The following CLCN3 variants were observed in gnomAD, a reference collection of about 807,000 sequenced individuals.
CLCN3 encodes the protein H(+)/Cl(-) exchange transporter 3.
In CLCN3, 16 loss-of-function variants were observed where a neutral mutation model predicts 83.4. The ratio of observed to expected loss-of-function variants is 0.19; its 90% confidence interval spans 0.13 to 0.29. CLCN3 has a LOEUF of 0.29. Ranked by LOEUF, CLCN3 falls within the 10% of genes least tolerant of loss-of-function variation. The pLI is 1.00. For missense variants in CLCN3, 544 were observed against 1,006.0 expected (o/e 0.54, Z 6.21); for synonymous variants, 322 against 346.2 (o/e 0.93, Z 0.78).
chr4:169,697,156 C>T lies in CLCN3; in HGVS notation c.1018-33C>T, dbSNP rs201205503. On this transcript the variant is annotated intron_variant, in intron 8 of 12. Transcript: ENST00000513761. ...TCAGAAACATCTTATAAAATTATAG[C>T]ATTAATTTTTCTTTTCCTTTTCTTT... The T allele has an allele frequency of 1.6e-5, 22 of 1,389,346 alleles. No individual in the cohort carries two copies. In the Admixed American group the frequency reaches 4.7e-4, roughly 29 times the overall value. The allele number at this position is 1,389,346 out of a possible 1,614,324, so 86.1% of individuals were successfully genotyped here.
At chr4:169,686,419 C>CT (rs34609299) in intron 3 of CLCN3, among the ~76,000 whole-genome samples, 16,962 of 141,538 alleles carry the variant, frequency 0.12, 1,085 homozygotes, top group East Asian at 0.17. Flanking sequence ...TGAAAATTGA[C>CT]TTTTTTTTTT....
chr4:169,692,855 T>C (rs1244779082), intron 7 of CLCN3, among the ~76,000 whole-genome samples: 1 of 152,224 alleles, frequency 6.6e-6, no homozygotes, highest in Non-Finnish European at 1.5e-5. Flanking sequence ...TTCATTTGAT[T>C]GTTTAAGGCA....
In CLCN3 at chr4:169,671,614, A is replaced by G. The variant is rs190988197; in HGVS notation, c.161-8436A>G. Among the ~76,000 whole-genome samples the G allele has an allele frequency of 1.3e-4, 20 of 152,310 alleles. No homozygotes were observed. In the East Asian group the frequency reaches 1.9e-3, roughly 15 times the overall value. On this transcript the variant is annotated intron_variant, in intron 2 of 12. Transcript: ENST00000513761. ...ATGTATCCCAGAACTTAAATTTAAAAAAAAAGAATTTTTCTCCTCTGTGGG... is the reference window on the plus strand; with the variant it reads ...ATGTATCCCAGAACTTAAATTTAAAGAAAAAGAATTTTTCTCCTCTGTGGG...
At chr4:169,645,130 G>C (rs543877517) in intron 2 of CLCN3, among the ~76,000 whole-genome samples, 1 of 152,122 alleles carries the variant, frequency 6.6e-6, no homozygotes, top group Non-Finnish European at 1.5e-5. Context: ...TAGTATTATC[G>C]AAAGTGTTGT....
chr4:169,652,833 T>G (rs1202143843), intron 2 of CLCN3, among the ~76,000 whole-genome samples: 1 of 152,236 alleles, frequency 6.6e-6, no homozygotes, highest in Non-Finnish European at 1.5e-5. Context: ...TGGTTTAAAT[T>G]TGCATTTTCT....
chr4:169,656,560 G>A (rs573199893), intron 2 of CLCN3, among the ~76,000 whole-genome samples: 36 of 152,312 alleles, frequency 2.4e-4, no homozygotes, highest in African/African-American at 8.7e-4. Flanking sequence ...TGAGGATACA[G>A]ATCCAAACCA....
chr4:169,644,784 C>T (rs1399040858), intron 2 of CLCN3, among the ~76,000 whole-genome samples: 9 of 152,204 alleles, frequency 5.9e-5, no homozygotes, highest in African/African-American at 2.2e-4. Flanking sequence ...GAGTGATTAT[C>T]CTGGATTATC....
At chr4:169,706,749 C>T (rs1380242736) in intron 10 of CLCN3, 119 bp from the exon 11 acceptor site, 1 of 757,686 alleles carries the variant, frequency 1.3e-6, no homozygotes, top group Non-Finnish European at 2.2e-6. Context: ...GATGCTAATG[C>T]TTTTCCCTGA....
chr4:169,639,031 TTTC>T (rs1266344461), intron 2 of CLCN3, among the ~76,000 whole-genome samples: 1 of 152,096 alleles, frequency 6.6e-6, no homozygotes, highest in East Asian at 1.9e-4. Context: ...CCATTGGTGT[TTTC>T]TTTTCTTTTT....
chr4:169,653,287 A>G (rs1730780053), intron 2 of CLCN3, among the ~76,000 whole-genome samples: 1 of 151,788 alleles, frequency 6.6e-6, no homozygotes, highest in Non-Finnish European at 1.5e-5. Context: ...TCATATAGAT[A>G]GTGTGTTAGT....
At chr4:169,668,042 C>CTTTTTTTTTTT (rs780656327) in intron 2 of CLCN3, among the ~76,000 whole-genome samples, 3 of 93,634 alleles carry the variant, frequency 3.2e-5, no homozygotes, top group African/African-American at 1.3e-4. Flanking sequence ...CCCGGCCAGA[C>CTTTTTTTTTTT]ATTTTTTTTT....
At position 169,621,037 on chromosome 4, in the gene CLCN3, G is replaced by A; in HGVS notation, c.-43G>A. On this transcript the variant is annotated 5_prime_UTR_variant, in exon 1 of 13. Transcript: ENST00000513761. ...AAAGGCAGCGCAAAAAACAGCCACC[G>A]ATTTTGCTATGTCTCTGAGCTGCGA... The A allele has an allele frequency of 2.5e-6, 1 of 397,676 alleles. No homozygotes were observed. Among genetic ancestry groups the A allele is most frequent in the Non-Finnish European group, 4.4e-6 (1 of 225,964 alleles). 24.6% of individuals were successfully genotyped at this position (397,676 alleles called of 1,614,324 possible). A position where few individuals can be genotyped will look rare whatever the true frequency, so the allele number is the denominator to read the frequency against.
Position 169,707,239 on chromosome 4 carries a change from C to T in CLCN3, c.2122C>T (p.Leu708Phe). 6.2e-7 allele frequency: 1 copy of T among 1,610,508 alleles called. No homozygotes were observed. Among genetic ancestry groups the T allele is most frequent in the Non-Finnish European group, 8.5e-7 (1 of 1,178,360 alleles). Residue 708 changes from leucine (L) to phenylalanine (F), a missense_variant, in exon 11 of 13, where the codon CTC becomes TTC. Transcript: ENST00000513761. ...ATCTCAGAGATTAGTGGGATTTGCC[C>T]TCAGAAGAGACCTGACAATTGCAAT... ...KESQRLVGFA[L>F]RRDLTIAIES... is the part of the protein sequence containing the mutation.
chr4:169,673,565 CT>C (rs371372030), intron 2 of CLCN3, among the ~76,000 whole-genome samples: 298 of 144,556 alleles, frequency 2.1e-3, no homozygotes, highest in Non-Finnish European at 2.5e-3. Flanking sequence ...AGAAATTTCA[CT>C]TTTTTTTTTT....
chr4:169,677,347 A>G (rs1731720222), intron 2 of CLCN3, among the ~76,000 whole-genome samples: 1 of 152,180 alleles, frequency 6.6e-6, no homozygotes, highest in African/African-American at 2.4e-5. Flanking sequence ...TGTTTTGTAA[A>G]TAAAGTTTTA....
chr4:169,643,885 G>T (rs1363131262), intron 2 of CLCN3, among the ~76,000 whole-genome samples: 1 of 152,020 alleles, frequency 6.6e-6, no homozygotes, highest in Non-Finnish European at 1.5e-5. Flanking sequence ...TTTTTTATTG[G>T]CAACAATATA....
Position 169,643,872 on chromosome 4 carries a change from A to AT in CLCN3, c.160+7792dup, listed in dbSNP as rs1000319962. On this transcript the variant is annotated intron_variant, in intron 2 of 12. Transcript: ENST00000513761. ...ATTTAGTTTTTGCTTGAGAGCTCAA[A>AT]TTTTTTTTATTGGCAACAATATACT... Among the ~76,000 whole-genome samples the AT allele has an allele frequency of 2.6e-4, 40 of 152,112 alleles. 1 individual carries two copies. The South Asian group carries it at 5.0e-3, about 19-fold the overall frequency.
At chr4:169,660,706 C>G (rs1731026883) in intron 2 of CLCN3, among the ~76,000 whole-genome samples, 1 of 152,172 alleles carries the variant, frequency 6.6e-6, no homozygotes, top group African/African-American at 2.4e-5. Context: ...AATCTTCTTT[C>G]TAACTCTGAA....
intron 1 of CLCN3, among the ~76,000 whole-genome samples, chr4:169,627,273 T>G (rs1315810987): frequency 1.3e-5 from 2 of 152,214 alleles, no homozygotes; most frequent in Non-Finnish European, 1.5e-5. Context: ...TTTTTTTGTG[T>G]GTGTGCCTGT....
Sources: allele counts gnomAD v4.1 joint callset (sites outside exome capture counted in the v4.1 genomes callset), GRCh38; gene constraint gnomAD v4.1.1; transcripts MANE v1.5; gene names NCBI Gene and HGNC (gene_info 2026-07-23, HGNC 2026-07-21).